The following SLC30A9 variants were observed in gnomAD, a reference collection of about 807,000 sequenced individuals.
SLC30A9 encodes the protein proton-coupled zinc antiporter SLC30A9, mitochondrial.
A neutral mutation model predicts 87.5 loss-of-function variants in SLC30A9; 58 were observed. The observed-to-expected ratio is 0.66, with a 90% confidence interval of 0.54 to 0.82. The LOEUF (loss-of-function observed/expected upper bound fraction) is 0.82, where lower values mean the gene tolerates loss of function less well. Ranked by LOEUF, SLC30A9 falls within the 40% of genes least tolerant of loss-of-function variation. SLC30A9 has a pLI of 0.00. For missense variants in SLC30A9, 557 were observed against 679.1 expected (o/e 0.82, Z 2.00); for synonymous variants, 234 against 233.0 (o/e 1.00, Z -0.04).
At chr4:42,084,929 T>C (rs1240503911) in intron 17 of SLC30A9, among the ~76,000 whole-genome samples, 9 of 152,220 alleles carry the variant, frequency 5.9e-5, no homozygotes, top group Admixed American at 5.2e-4. Context: ...TCCCAGCTCA[T>C]TGTCATATAC....
intron 8 of SLC30A9, among the ~76,000 whole-genome samples, chr4:42,040,634 A>G (rs1013956342): frequency 6.6e-6 from 1 of 151,898 alleles, no homozygotes; most frequent in Non-Finnish European, 1.5e-5. Flanking sequence ...CGTCTCTACT[A>G]AAAATACAAA....
chr4:41,993,158 A>G (rs1428091412), intron 1 of SLC30A9, among the ~76,000 whole-genome samples: 1 of 150,716 alleles, frequency 6.6e-6, no homozygotes, highest in Non-Finnish European at 1.5e-5. Context: ...ATTAATTTTA[A>G]TAACGAAATT....
At chr4:42,053,033 T>C (rs149349632) in intron 9 of SLC30A9, among the ~76,000 whole-genome samples, 7 of 148,820 alleles carry the variant, frequency 4.7e-5, no homozygotes, top group African/African-American at 1.8e-4. Flanking sequence ...TGAGAACCAG[T>C]TTTTTCCCCC....
At chr4:42,045,924 T>C (rs1489050119) in intron 8 of SLC30A9, among the ~76,000 whole-genome samples, 1 of 151,530 alleles carries the variant, frequency 6.6e-6, no homozygotes, top group African/African-American at 2.4e-5. Context: ...AACATATGCA[T>C]CAACATATGC....
rs9992418 is a variant in SLC30A9 at position 42,021,924 on chromosome 4, T to G, written c.435-914T>G. Among the ~76,000 whole-genome samples, 194 of 22,012 alleles carry G rather than the reference T, an allele frequency of 8.8e-3. 15 individuals carry two copies. Among genetic ancestry groups the G allele is most frequent in the Non-Finnish European group, 0.035 (101 of 2,850 alleles). The allele number at this position is 22,012 out of a possible 152,430, so 14.4% of individuals were successfully genotyped here. On this transcript the variant is annotated intron_variant, in intron 4 of 17. Coordinates refer to ENST00000264451, the MANE Select transcript of SLC30A9 (RefSeq NM_006345.4). Reference sequence around the variant, plus strand: ...CGCCACCACGCCTGGCTAATTTTTTTTTTTTTTTTTTTTTTTTTTTTTGAG... The same window carrying G: ...CGCCACCACGCCTGGCTAATTTTTTGTTTTTTTTTTTTTTTTTTTTTTGAG...
rs1049187901 is a variant in SLC30A9 at position 42,049,776 on chromosome 4, CTT to C, written c.840+300_840+301del. On this transcript the variant is annotated intron_variant, in intron 9 of 17. Coordinates refer to ENST00000264451, the MANE Select transcript of SLC30A9 (RefSeq NM_006345.4). Reference sequence around the variant, plus strand: ...GACTGTAATAGTCAATGAATTTAAACTTTTGGAATAAAGATGTAAAATCATAT... The same window carrying C: ...GACTGTAATAGTCAATGAATTTAAACTTGGAATAAAGATGTAAAATCATAT... Among the ~76,000 whole-genome samples the C allele has an allele frequency of 5.3e-5, 8 of 152,156 alleles. 1 individual carries two copies. The highest frequency in any genetic ancestry group is 1.9e-4 in the African/African-American group (8 of 41,530).
At chr4:42,001,268 G>A (rs1257606531) in intron 1 of SLC30A9, among the ~76,000 whole-genome samples, 1 of 152,010 alleles carries the variant, frequency 6.6e-6, no homozygotes, top group Non-Finnish European at 1.5e-5. Context: ...TGTGTAGGAA[G>A]TCTTCCTGAC....
At chr4:42,020,368 G>A in intron 3 of SLC30A9, 48 bp from the exon 4 acceptor site, 2 of 879,942 alleles carry the variant, frequency 2.3e-6, no homozygotes, top group Non-Finnish European at 3.7e-6. Flanking sequence ...ATCTTCACAT[G>A]TGACTTTCAA....
intron 2 of SLC30A9, among the ~76,000 whole-genome samples, chr4:42,016,623 A>G (rs1388820990): frequency 2.6e-5 from 4 of 152,106 alleles, no homozygotes; most frequent in Admixed American, 2.0e-4. Context: ...TGGTTCATTA[A>G]TGTTCTTGGA....
At chr4:42,048,089 C>T (rs2153138329) in intron 8 of SLC30A9, among the ~76,000 whole-genome samples, 1 of 151,226 alleles carries the variant, frequency 6.6e-6, no homozygotes, top group South Asian at 2.1e-4. Context: ...GGGTGGGTGG[C>T]TAGGGGAGGG....
chr4:42,014,765 G>A (rs530962509), intron 2 of SLC30A9, among the ~76,000 whole-genome samples: 1 of 152,310 alleles, frequency 6.6e-6, no homozygotes, highest in Non-Finnish European at 1.5e-5. Flanking sequence ...AATACGGATG[G>A]AACTGGAGGT....
At chr4:42,018,423 AATT>A in intron 3 of SLC30A9, 1 of 1,294,100 alleles carries the variant, frequency 7.7e-7, no homozygotes, top group Non-Finnish European at 1.0e-6. Context: ...AAGAATCATC[AATT>A]GCATTATCAT....
At chr4:42,029,655 G>GA (rs1223855535) in intron 6 of SLC30A9, 2 of 602,774 alleles carry the variant, frequency 3.3e-6, no homozygotes, top group Non-Finnish European at 5.8e-6. Flanking sequence ...GTGAGCGAAA[G>GA]TCTGCAGATT....
chr4:42,016,479 A>G (rs1715724236), intron 2 of SLC30A9, among the ~76,000 whole-genome samples: 1 of 152,138 alleles, frequency 6.6e-6, no homozygotes, highest in Non-Finnish European at 1.5e-5. Flanking sequence ...ATACATTTGT[A>G]TATAGCCCTG....
intron 16 of SLC30A9, among the ~76,000 whole-genome samples, chr4:42,076,830 T>C (rs894499520): frequency 1.3e-5 from 2 of 151,878 alleles, no homozygotes; most frequent in African/African-American, 4.8e-5. Context: ...GGTGTGGTGG[T>C]GCGTGCCTGT....
chr4:42,086,112 T>A lies in SLC30A9; in HGVS notation c.1693T>A (p.Leu565Met). ...AAATCCTGAAGTTCGACATGTAGAT[T>A]TGGAGATACTGTGAGTTTGATGGAA... ...KRNPEVRHVD[L>M]EIL Residue 565 changes from leucine to methionine, a missense_variant, in exon 18 of 18, where the codon TTG becomes ATG. By Grantham distance (15) the Leu-to-Met change is conservative. Coordinates refer to ENST00000264451, the MANE Select transcript of SLC30A9 (RefSeq NM_006345.4). 1 of 1,533,002 alleles carries A rather than the reference T, an allele frequency of 6.5e-7. No homozygotes were observed. The highest frequency in any genetic ancestry group is 1.7e-4 in the Middle Eastern group (1 of 5,774). 95.0% of individuals were successfully genotyped at this position (1,533,002 alleles called of 1,614,324 possible). A position where few individuals can be genotyped will look rare whatever the true frequency, so the allele number is the denominator to read the frequency against.
At chr4:42,038,355 TC>T (rs1487477391) in intron 7 of SLC30A9, among the ~76,000 whole-genome samples, 2 of 152,282 alleles carry the variant, frequency 1.3e-5, no homozygotes, top group East Asian at 3.9e-4. Context: ...TCCCATGAGT[TC>T]CCAAACCTTT....
chr4:42,050,607 C>A (rs868369635), intron 9 of SLC30A9, among the ~76,000 whole-genome samples: 1 of 152,106 alleles, frequency 6.6e-6, no homozygotes, highest in Non-Finnish European at 1.5e-5. Flanking sequence ...GAATGATAAC[C>A]ATGATAAATT....
At chr4:42,034,754 T>G (rs1447319022) in intron 6 of SLC30A9, among the ~76,000 whole-genome samples, 1 of 152,234 alleles carries the variant, frequency 6.6e-6, no homozygotes, top group Non-Finnish European at 1.5e-5. Flanking sequence ...GTAAATAGCT[T>G]TTTGAGGCCC....
Sources: allele counts gnomAD v4.1 joint callset (sites outside exome capture counted in the v4.1 genomes callset), GRCh38; gene constraint gnomAD v4.1.1; transcripts MANE v1.5; gene names NCBI Gene and HGNC (gene_info 2026-07-23, HGNC 2026-07-21).